The following DMD variants were observed in gnomAD, a reference collection of about 807,000 sequenced individuals.
DMD encodes the protein mutant dystrophin.
DMD carries 63 observed loss-of-function variants against 330.1 expected under a neutral mutation model. The ratio of observed to expected loss-of-function variants is 0.19; its 90% CI spans 0.16 to 0.24. The LOEUF is 0.24. DMD is among the 10% of genes least tolerant of loss of function. DMD has a pLI of 1.00. For synonymous variants in DMD, 1,223 were observed against 959.8 expected, an observed-to-expected ratio of 1.27 and a Z score of -5.07; for missense variants, 3,344 against 2,684.1, an observed-to-expected ratio of 1.25 and a Z score of -5.43.
At chrX:32,775,016 T>C (rs1427534524) in intron 7 of DMD, among the ~76,000 whole-genome samples, 1 of 112,141 alleles carries the variant, frequency 8.9e-6, no homozygotes, top group Non-Finnish European at 1.9e-5. Context: ...CCATTCTAAA[T>C]GGGGGAAACT....
chrX:33,228,312 T>C (rs1186382914), intron 1 of DMD, among the ~76,000 whole-genome samples: 1 of 98,852 alleles, frequency 1.0e-5, no homozygotes, highest in Non-Finnish European at 2.1e-5. Flanking sequence ...TGTGTGTGTG[T>C]AGGCATATGC....
At position 32,343,122 on chromosome X, in the gene DMD, A is replaced by C. The variant is rs1557290954; in HGVS notation, c.5739+12T>G. 15 of 1,207,876 alleles carry C rather than the reference A, an allele frequency of 1.2e-5. No homozygotes were observed. The highest frequency in any genetic ancestry group is 1.7e-5 in the Non-Finnish European group (15 of 892,283). On this transcript the variant is annotated intron_variant, in intron 40 of 78. Transcript: ENST00000357033. ...AATAAAATCTGGTATTGACATTCTA[A>C]AACAACATTACCTTTATTTTCCTTT...
chrX:32,765,778 T>C (rs368775097), intron 7 of DMD, among the ~76,000 whole-genome samples: 2 of 111,992 alleles, frequency 1.8e-5, no homozygotes, highest in African/African-American at 6.5e-5. Flanking sequence ...GATATTTAAT[T>C]GCCCAATCTA....
chrX:32,628,689 C>T (rs2058534746), intron 11 of DMD, among the ~76,000 whole-genome samples: 2 of 110,639 alleles, frequency 1.8e-5, no homozygotes, highest in Admixed American at 9.7e-5. Flanking sequence ...GCTTTCACTG[C>T]TTCCCATAGG....
At chrX:33,088,502 C>G (rs2095039244) in intron 1 of DMD, among the ~76,000 whole-genome samples, 1 of 111,235 alleles carries the variant, frequency 9.0e-6, no homozygotes, top group African/African-American at 3.3e-5. Flanking sequence ...CTTAAAGTAA[C>G]GAATAAATAT....
Position 32,509,983 on chromosome X carries a change from A to G in DMD, c.2292+8025T>C, listed in dbSNP as rs1185842175. On this transcript the variant is annotated intron_variant, in intron 18 of 78. Transcript: ENST00000357033. ...AGTTATCATGGTGCTCACTACTACC[A>G]CATTAGACAAAGTACCCCATCATCT... 3.6e-5 allele frequency among the ~76,000 whole-genome samples: 4 copies of G among 111,463 alleles called. No individual in the cohort carries two copies. In the East Asian group the frequency reaches 8.5e-4, roughly 24 times the overall value.
At chrX:32,404,890 T>A (rs1477761691) in intron 30 of DMD, among the ~76,000 whole-genome samples, 1 of 111,507 alleles carries the variant, frequency 9.0e-6, no homozygotes, top group East Asian at 2.8e-4. Flanking sequence ...TTGAACATTC[T>A]TTTTGTCTAA....
intron 25 of DMD, among the ~76,000 whole-genome samples, chrX:32,462,941 C>T (rs1333645098): frequency 3.6e-5 from 4 of 111,024 alleles, no homozygotes; most frequent in Non-Finnish European, 5.7e-5. Flanking sequence ...GCCTGGGTGA[C>T]AGAGGGAGAC....
At chrX:32,275,669 T>C (rs192762428) in intron 43 of DMD, among the ~76,000 whole-genome samples, 250 of 112,216 alleles carry the variant, frequency 2.2e-3, no homozygotes, top group African/African-American at 7.9e-3. Context: ...CATTATTTTC[T>C]TAAAAATGAA....
chrX:32,559,426 G>A (rs1252925671), intron 16 of DMD, among the ~76,000 whole-genome samples: 1 of 111,218 alleles, frequency 9.0e-6, no homozygotes, highest in Non-Finnish European at 1.9e-5. Context: ...TTGGCATCAG[G>A]CTTACTAGTC....
At chrX:32,642,582 G>A (rs1019617084) in intron 11 of DMD, among the ~76,000 whole-genome samples, 9 of 111,870 alleles carry the variant, frequency 8.0e-5, no homozygotes, top group African/African-American at 2.9e-4. Flanking sequence ...GGGAATTTTT[G>A]AATGAACATC....
intron 19 of DMD, among the ~76,000 whole-genome samples, chrX:32,501,407 A>G (rs144183884): frequency 0.022 from 2,411 of 111,853 alleles, 56 homozygotes; most frequent in African/African-American, 0.067. Context: ...TCAGATGATG[A>G]TCAGTTTTAC....
rs184890360 is a variant in DMD at position 32,227,535 on chromosome X, T to C, written c.6291-10472A>G. On this transcript the variant is annotated intron_variant, in intron 43 of 78. Coordinates refer to ENST00000357033, the MANE Select transcript of DMD (RefSeq NM_004006.3). The stretch of plus-strand genomic sequence containing the variant: ...GTACACATGCGCACAGAGTGTGGAA[T>C]AATAGACACTGGAGACTCAGAAGGG... 4.2e-3 allele frequency among the ~76,000 whole-genome samples: 449 copies of C among 106,798 alleles called. 2 individuals are homozygous for C. Among genetic ancestry groups the C allele is most frequent in the Middle Eastern group, 0.014 (3 of 209 alleles). 92.7% of individuals were successfully genotyped at this position (106,798 alleles called of 115,157 possible). A position where few individuals can be genotyped will look rare whatever the true frequency, so the allele number is the denominator to read the frequency against.
chrX:32,219,496 TGA>T (rs1415213369), intron 43 of DMD, among the ~76,000 whole-genome samples: 6 of 111,904 alleles, frequency 5.4e-5, no homozygotes, highest in African/African-American at 1.6e-4. Context: ...CTTTTCATAT[TGA>T]GAGTCAGAAA....
chrX:32,733,908 AAAATC>A (rs2068058721), intron 7 of DMD, among the ~76,000 whole-genome samples: 1 of 105,276 alleles, frequency 9.5e-6, no homozygotes, highest in African/African-American at 3.5e-5. Context: ...AGAAATAACT[AAAATC>A]AGAGCAGAAC....
chrX:31,915,971 C>T (rs896620456), intron 47 of DMD, among the ~76,000 whole-genome samples: 7 of 111,823 alleles, frequency 6.3e-5, no homozygotes, highest in Non-Finnish European at 1.1e-4. Context: ...TGAATATGGG[C>T]CTGCCTTGTG....
At chrX:31,741,603 T>C (rs1409368623) in intron 51 of DMD, among the ~76,000 whole-genome samples, 1 of 110,841 alleles carries the variant, frequency 9.0e-6, no homozygotes, top group Non-Finnish European at 1.9e-5. Flanking sequence ...GGGCTCAAAA[T>C]GTTCATCAAA....
chrX:31,444,484 C>T lies in DMD; in HGVS notation c.9081G>A (p.Leu3027=). ...ACAATGTTTACAATGTGCTTACCTG[C>T]AGAAGCTTCCATCTGGTGTTCAGGT... ...LEDLNTRWKL[L]QVAVEDRVRQ... is the part of the protein sequence containing the mutation. The change falls in exon 60 of 79, where the codon CTG becomes CTA. Residue 3027 remains leucine (L), a synonymous_variant. Transcript: ENST00000357033. 2 of 1,211,383 alleles carry T rather than the reference C, an allele frequency of 1.7e-6. No homozygotes were observed. Among genetic ancestry groups the T allele is most frequent in the Non-Finnish European group, 1.1e-6 (1 of 895,292 alleles).
intron 53 of DMD, among the ~76,000 whole-genome samples, chrX:31,669,966 AT>A (rs2081656224): frequency 1.8e-5 from 2 of 110,196 alleles, no homozygotes; most frequent in African/African-American, 3.3e-5. Context: ...ATATTTTTCT[AT>A]TTTTTTATCT....
Sources: gnomAD v4.1 joint callset for allele counts (sites outside exome capture counted in the v4.1 genomes callset) on GRCh38, gnomAD v4.1.1 for gene constraint, MANE v1.5 for transcripts, NCBI Gene and HGNC (gene_info 2026-07-23, HGNC 2026-07-21) for gene names.